Variants in CUL1 observed in about 807,000 individuals in gnomAD.
The protein encoded by CUL1 is cullin 1.
A neutral mutation model predicts 118.0 loss-of-function variants in CUL1; 24 were observed. The observed-to-expected ratio is 0.20, with a 90% confidence interval of 0.15 to 0.29. The LOEUF is 0.29. CUL1 is among the 10% of genes least tolerant of loss of function. The pLI, the probability that CUL1 is intolerant of heterozygous loss-of-function variation, is 1.00. For missense variants in CUL1, 361 were observed against 933.8 expected (o/e 0.39, Z 7.99); for synonymous variants, 332 against 340.4 (o/e 0.98, Z 0.27).
At chr7:148,739,387 C>G (rs1052281378) in intron 2 of CUL1, among the ~76,000 whole-genome samples, 1 of 152,190 alleles carries the variant, frequency 6.6e-6, no homozygotes, top group African/African-American at 2.4e-5. Flanking sequence ...TCACTCCTGC[C>G]TCTGCTGACT....
At chr7:148,728,098 A>T (rs948350193) in intron 1 of CUL1, among the ~76,000 whole-genome samples, 2 of 152,124 alleles carry the variant, frequency 1.3e-5, no homozygotes, top group African/African-American at 4.8e-5. Context: ...GGAAGTGGAG[A>T]TGAGCTAATG....
intron 9 of CUL1, among the ~76,000 whole-genome samples, chr7:148,781,961 T>G (rs1800653790): frequency 6.6e-6 from 1 of 152,230 alleles, no homozygotes; most frequent in Non-Finnish European, 1.5e-5. Context: ...GTCCTTCAAT[T>G]GGCAGTTGTG....
intron 2 of CUL1, among the ~76,000 whole-genome samples, chr7:148,750,977 G>A (rs1194171776): frequency 5.1e-5 from 6 of 117,418 alleles, no homozygotes; most frequent in East Asian, 4.9e-4. Flanking sequence ...GTGAGATCCT[G>A]TCTCTTTAAA....
chr7:148,722,143 T>C (rs891037260), intron 1 of CUL1, among the ~76,000 whole-genome samples: 4 of 152,214 alleles, frequency 2.6e-5, no homozygotes, highest in Non-Finnish European at 5.9e-5. Flanking sequence ...CTTGGCCCTG[T>C]CCAGTCTTGG....
In CUL1 at chr7:148,742,759, G is replaced by T. The variant is rs139519566; in HGVS notation, c.141-11217G>T. 5.8e-3 allele frequency among the ~76,000 whole-genome samples: 877 copies of T among 151,826 alleles called. 8 individuals are homozygous for T. Among genetic ancestry groups the T allele is most frequent in the African/African-American group, 0.019 (766 of 41,396 alleles). ...TGGAATTACAGACATGCACCACCAC[G>T]CCCAGCTAATTTTTGTATTTTTAGT... On this transcript the variant is annotated intron_variant, in intron 2 of 21. Transcript: ENST00000325222.
At chr7:148,789,698 A>T in intron 14 of CUL1, 52 bp from the exon 15 acceptor site, 1 of 1,430,840 alleles carries the variant, frequency 7.0e-7, no homozygotes, top group Non-Finnish European at 9.8e-7. Context: ...CAGTTTATAA[A>T]CTAATTAATG....
chr7:148,760,456 A>C lies in CUL1; in HGVS notation c.749A>C (p.Glu250Ala). 1 of 1,612,324 alleles carries C rather than the reference A, an allele frequency of 6.2e-7. No individual in the cohort carries two copies. Among genetic ancestry groups the C allele is most frequent in the Non-Finnish European group, 8.5e-7 (1 of 1,179,366 alleles). ...AGATTTTATACCAGAGAGAGTACTG[A>C]ATTCTTGCAGCAGAACCCAGTTACT... ...TERFYTREST[E>A]FLQQNPVTEY... The change falls in exon 7 of 22, where the codon GAA becomes GCA. Residue 250 changes from glutamate to alanine, a missense_variant. Physicochemically the swap from Glu to Ala is moderately radical, Grantham distance 107. This residue lies in a region of CUL1 where 169 missense variants were observed against 429.7 expected (regional missense o/e 0.39). Coordinates refer to ENST00000325222, the MANE Select transcript of CUL1 (RefSeq NM_003592.3).
chr7:148,784,381 G>A (rs2129462633), intron 11 of CUL1, among the ~76,000 whole-genome samples: 1 of 152,266 alleles, frequency 6.6e-6, no homozygotes, highest in East Asian at 1.9e-4. Flanking sequence ...GTTCAGAGTG[G>A]TATGGCCGTA....
intron 1 of CUL1, among the ~76,000 whole-genome samples, chr7:148,715,766 A>G (rs920822690): frequency 2.6e-5 from 4 of 151,984 alleles, no homozygotes; most frequent in Admixed American, 6.6e-5. Context: ...GCCAACCTTT[A>G]AAAAAAACAC....
intron 2 of CUL1, among the ~76,000 whole-genome samples, chr7:148,738,613 CAG>C (rs1410638989): frequency 6.6e-6 from 1 of 152,168 alleles, no homozygotes; most frequent in Non-Finnish European, 1.5e-5. Flanking sequence ...CAAAGAACCT[CAG>C]AGTTTTAAAA....
chr7:148,794,029 C>A (rs1801103759), intron 17 of CUL1, among the ~76,000 whole-genome samples: 1 of 151,874 alleles, frequency 6.6e-6, no homozygotes, highest in Non-Finnish European at 1.5e-5. Flanking sequence ...GTGTTTATTG[C>A]CATTTGTATA....
intron 2 of CUL1, among the ~76,000 whole-genome samples, chr7:148,747,362 T>A (rs1455932281): frequency 6.6e-6 from 1 of 152,024 alleles, no homozygotes; most frequent in Non-Finnish European, 1.5e-5. Context: ...TGCACAAAAG[T>A]AAGAGGGAAT....
At chr7:148,733,173 T>C (rs1177982147) in intron 2 of CUL1, among the ~76,000 whole-genome samples, 1 of 152,228 alleles carries the variant, frequency 6.6e-6, no homozygotes, top group African/African-American at 2.4e-5. Context: ...TCAGCTACTG[T>C]ATTTGAATGG....
chr7:148,748,011 C>T (rs534349800), intron 2 of CUL1, among the ~76,000 whole-genome samples: 7 of 152,148 alleles, frequency 4.6e-5, no homozygotes, highest in African/African-American at 1.7e-4. Flanking sequence ...AAAATTGTTG[C>T]AAGGTAAAGT....
In CUL1 at chr7:148,709,250, C is replaced by T. The variant is rs1427536346; in HGVS notation, c.-162+10221C>T. 2.0e-5 allele frequency among the ~76,000 whole-genome samples: 3 copies of T among 152,262 alleles called. No individual in the cohort carries two copies. In the East Asian group the frequency reaches 5.8e-4, roughly 29 times the overall value. On this transcript the variant is annotated intron_variant, in intron 1 of 21. Transcript: ENST00000325222. ...GAGTACAGGCCAAACTGCGTATATG[C>T]GCATACATACTCTGGGCTTTGTGTG...
At chr7:148,748,347 G>A (rs546359701) in intron 2 of CUL1, among the ~76,000 whole-genome samples, 19 of 152,004 alleles carry the variant, frequency 1.2e-4, no homozygotes, top group Non-Finnish European at 2.5e-4. Context: ...TAAAGGGCTG[G>A]AACAAAGACA....
chr7:148,788,995 G>A (rs181676082), intron 14 of CUL1, among the ~76,000 whole-genome samples: 17 of 152,166 alleles, frequency 1.1e-4, no homozygotes, highest in Non-Finnish European at 1.3e-4. Context: ...TGTTCACTTG[G>A]CCTGCATAGG....
intron 2 of CUL1, among the ~76,000 whole-genome samples, chr7:148,732,040 G>A (rs1420212287): frequency 6.6e-6 from 1 of 152,220 alleles, no homozygotes; most frequent in Non-Finnish European, 1.5e-5. Flanking sequence ...GTAGGAGTGG[G>A]ATTGCAGGGT....
At chr7:148,769,061 G>A (rs144553624) in intron 9 of CUL1, among the ~76,000 whole-genome samples, 3 of 152,172 alleles carry the variant, frequency 2.0e-5, no homozygotes, top group East Asian at 3.9e-4. Flanking sequence ...TGTCTTTACC[G>A]TGTGGTGATT....
Sources: allele counts gnomAD v4.1 joint callset (sites outside exome capture counted in the v4.1 genomes callset), GRCh38; gene constraint gnomAD v4.1.1; regional missense constraint gnomAD v4.1.1; transcripts MANE v1.5; gene names NCBI Gene and HGNC (gene_info 2026-07-23, HGNC 2026-07-21).